Variants in LRFN2 observed in about 807,000 individuals in gnomAD.
LRFN2 encodes leucine rich repeat and fibronectin type III domain containing 2, also known as leucine-rich repeat and fibronectin type-III domain-containing protein 2.
LRFN2 carries 18 observed loss-of-function variants against 37.3 expected under a neutral mutation model. The ratio of observed to expected loss-of-function variants is 0.48; its 90% CI spans 0.33 to 0.72. The LOEUF (loss-of-function observed/expected upper bound fraction) is 0.72. Ranked by LOEUF, LRFN2 falls within the 30% of genes least tolerant of loss-of-function variation. The pLI, the probability that LRFN2 is intolerant of heterozygous loss-of-function variation, is 0.02. For synonymous variants in LRFN2, 556 were observed against 466.6 expected, an observed-to-expected ratio of 1.19 and a Z score of -2.47; for missense variants, 1,006 against 1,060.7, an observed-to-expected ratio of 0.95 and a Z score of 0.72.
chr6:40,416,234 G>A (rs893771084), intron 2 of LRFN2, among the ~76,000 whole-genome samples: 4 of 152,146 alleles, frequency 2.6e-5, no homozygotes, highest in African/African-American at 9.7e-5. Flanking sequence ...GTCTCAAACT[G>A]CTGACTTCAA....
At chr6:40,540,233 A>T (rs1313330765) in intron 1 of LRFN2, among the ~76,000 whole-genome samples, 1 of 152,180 alleles carries the variant, frequency 6.6e-6, no homozygotes. Flanking sequence ...ACTGCAAATA[A>T]AACATTCAGA....
intron 1 of LRFN2, among the ~76,000 whole-genome samples, chr6:40,555,888 T>C (rs976820435): frequency 6.6e-6 from 1 of 152,178 alleles, no homozygotes; most frequent in Admixed American, 6.5e-5. Context: ...TATAATTTCT[T>C]ATCTGGCAGT....
chr6:40,430,159 A>T (rs1763446412), intron 2 of LRFN2, among the ~76,000 whole-genome samples: 1 of 152,228 alleles, frequency 6.6e-6, no homozygotes, highest in East Asian at 1.9e-4. Flanking sequence ...GTAACTTCCG[A>T]TGCTGCTTTC....
chr6:40,495,731 C>T (rs6923412), intron 1 of LRFN2, among the ~76,000 whole-genome samples: 4,193 of 152,274 alleles, frequency 0.028, 217 homozygotes, highest in African/African-American at 0.095. Flanking sequence ...CCTTTGCCAG[C>T]TCCCAGGCCT....
At chr6:40,411,231 T>C (rs913241543) in intron 2 of LRFN2, among the ~76,000 whole-genome samples, 3 of 152,186 alleles carry the variant, frequency 2.0e-5, no homozygotes, top group Non-Finnish European at 4.4e-5. Context: ...GGGTGGCAGA[T>C]GGGAGTGAGG....
chr6:40,498,405 G>A (rs1002593601), intron 1 of LRFN2, among the ~76,000 whole-genome samples: 1 of 152,144 alleles, frequency 6.6e-6, no homozygotes, highest in Non-Finnish European at 1.5e-5. Context: ...AGAGCCTGCA[G>A]GAGAGGATCC....
intron 2 of LRFN2, among the ~76,000 whole-genome samples, chr6:40,421,112 G>A (rs1763219107): frequency 6.6e-6 from 1 of 152,194 alleles, no homozygotes; most frequent in Non-Finnish European, 1.5e-5. Context: ...TAGAGAATGT[G>A]AGCAAGAGCA....
chr6:40,399,963 T>A (rs1762704351), intron 2 of LRFN2, among the ~76,000 whole-genome samples: 1 of 151,828 alleles, frequency 6.6e-6, no homozygotes, highest in Non-Finnish European at 1.5e-5. Flanking sequence ...TCGGAATCAC[T>A]CATCACTCCC....
chr6:40,553,607 A>C lies in LRFN2; in HGVS notation c.-19+33334T>G, dbSNP rs985024587. Among the ~76,000 whole-genome samples the C allele has an allele frequency of 3.9e-5, 6 of 152,334 alleles. No individual in the cohort carries two copies. The East Asian group carries it at 7.7e-4, about 20-fold the overall frequency. On this transcript the variant is annotated intron_variant, in intron 1 of 2. Transcript: ENST00000338305. ...AGGCCATTCTGCATCATGTTCTGAG[A>C]TCAGAGCCAGCACATAGCAAATGCT...
intron 2 of LRFN2, among the ~76,000 whole-genome samples, chr6:40,403,559 GC>G (rs1762786156): frequency 6.6e-6 from 1 of 152,130 alleles, no homozygotes; most frequent in Non-Finnish European, 1.5e-5. Flanking sequence ...GAGTGAAGGG[GC>G]CACTTTCCTT....
intron 1 of LRFN2, among the ~76,000 whole-genome samples, chr6:40,546,169 C>T (rs1351790659): frequency 2.6e-5 from 4 of 152,154 alleles, no homozygotes; most frequent in African/African-American, 4.8e-5. Context: ...ATTTGCATGA[C>T]AACGCACAGT....
chr6:40,435,968 G>A (rs906150576), intron 1 of LRFN2, among the ~76,000 whole-genome samples: 1 of 152,048 alleles, frequency 6.6e-6, no homozygotes, highest in Non-Finnish European at 1.5e-5. Context: ...TCTGGAGAGA[G>A]CATCACTGTG....
At chr6:40,421,050 C>T (rs913547167) in intron 2 of LRFN2, among the ~76,000 whole-genome samples, 2 of 152,132 alleles carry the variant, frequency 1.3e-5, no homozygotes, top group African/African-American at 4.8e-5. Context: ...AGGGCTGATC[C>T]CAGGGTTGGC....
At chr6:40,525,094 T>C (rs770123077) in intron 1 of LRFN2, among the ~76,000 whole-genome samples, 1 of 152,254 alleles carries the variant, frequency 6.6e-6, no homozygotes, top group Non-Finnish European at 1.5e-5. Flanking sequence ...TTTCCAGTCC[T>C]GGCCACCTCA....
rs774824270 is a variant in LRFN2 at position 40,432,153 on chromosome 6, G to A, written c.961C>T (p.His321Tyr). 6.2e-7 allele frequency: 1 copy of A among 1,613,842 alleles called. No homozygotes were observed. Among genetic ancestry groups the A allele is most frequent in the Admixed American group, 1.7e-5 (1 of 60,030 alleles). ...KAIGDPSPLI[H>Y]WVAPDDRLVG... is the part of the protein sequence containing the mutation. ...AGGCGGTCATCGGGGGCTACCCAGT[G>A]GATAAGGGGGCTGGGGTCCCCAATG... Residue 321 changes from histidine (H) to tyrosine (Y), a missense_variant, in exon 2 of 3, where the codon CAC becomes TAC. Around this residue, in one of 4 missense-constraint regions of LRFN2, gnomAD observed 303 missense variants for 299.8 expected, o/e 1.01. Transcript: ENST00000338305.
intron 1 of LRFN2, among the ~76,000 whole-genome samples, chr6:40,491,986 G>A (rs1284534872): frequency 1.8e-5 from 2 of 112,292 alleles, no homozygotes; most frequent in Non-Finnish European, 3.6e-5. Flanking sequence ...ATTTTGCCGT[G>A]TGACTGTGGG....
intron 1 of LRFN2, among the ~76,000 whole-genome samples, chr6:40,482,624 T>C (rs1024882938): frequency 1.3e-5 from 2 of 152,250 alleles, no homozygotes; most frequent in African/African-American, 4.8e-5. Flanking sequence ...GTGGTTGCCA[T>C]GGCAACATCT....
intron 1 of LRFN2, among the ~76,000 whole-genome samples, chr6:40,488,797 C>T (rs1765025594): frequency 6.6e-6 from 1 of 152,112 alleles, no homozygotes. Context: ...CCTCTGCCTC[C>T]TTGAGGGCAG....
At chr6:40,543,345 G>A (rs954483244) in intron 1 of LRFN2, among the ~76,000 whole-genome samples, 1 of 152,224 alleles carries the variant, frequency 6.6e-6, no homozygotes, top group African/African-American at 2.4e-5. Context: ...CGTCATGTAT[G>A]TGCCTGTCTC....
Sources: gnomAD v4.1 joint callset for allele counts (sites outside exome capture counted in the v4.1 genomes callset) on GRCh38, gnomAD v4.1.1 for gene constraint, gnomAD v4.1.1 regional missense constraint, MANE v1.5 for transcripts, NCBI Gene and HGNC (gene_info 2026-07-23, HGNC 2026-07-21) for gene names.